Variants in MARCHF11 observed in about 807,000 individuals in gnomAD.
MARCHF11 encodes E3 ubiquitin-protein ligase MARCHF11.
MARCHF11 carries 29 observed loss-of-function variants against 37.3 expected under a neutral mutation model. The observed-to-expected ratio is 0.78, with a 90% CI of 0.58 to 1.06. The LOEUF is 1.06. Ranked by LOEUF, MARCHF11 falls within the 50% of genes least tolerant of loss-of-function variation. The pLI, the probability that MARCHF11 is intolerant of heterozygous loss-of-function variation, is 0.00. For synonymous variants in MARCHF11, 233 were observed against 228.0 expected, an observed-to-expected ratio of 1.02 and a Z score of -0.20; for missense variants, 482 against 533.4, an observed-to-expected ratio of 0.90 and a Z score of 0.95.
At chr5:16,175,458 G>GTGGACCCTGGGCCCTGGACCC (rs1421848646) in intron 2 of MARCHF11, among the ~76,000 whole-genome samples, 1 of 152,164 alleles carries the variant, frequency 6.6e-6, no homozygotes, top group African/African-American at 2.4e-5. Flanking sequence ...GGCTAAGACA[G>GTGGACCCTGGGCCCTGGACCC]TGGACCCTGG....
intron 2 of MARCHF11, among the ~76,000 whole-genome samples, chr5:16,138,051 T>G (rs1737636519): frequency 6.6e-6 from 1 of 152,188 alleles, no homozygotes; most frequent in Admixed American, 6.5e-5. Context: ...AACACCCATT[T>G]CTGAGGAGCA....
chr5:16,117,796 T>A (rs1737245893), intron 2 of MARCHF11, among the ~76,000 whole-genome samples: 1 of 152,230 alleles, frequency 6.6e-6, no homozygotes, highest in East Asian at 1.9e-4. Flanking sequence ...TATCCTATAG[T>A]AACTTAGTGT....
intron 3 of MARCHF11, among the ~76,000 whole-genome samples, chr5:16,088,342 C>T (rs1736734247): frequency 6.6e-6 from 1 of 152,280 alleles, no homozygotes; most frequent in Non-Finnish European, 1.5e-5. Flanking sequence ...AAGTGGGTGA[C>T]TCTTATTTTT....
chr5:16,138,044 ACCC>A (rs1737636386), intron 2 of MARCHF11, among the ~76,000 whole-genome samples: 1 of 152,146 alleles, frequency 6.6e-6, no homozygotes, highest in Admixed American at 6.6e-5. Flanking sequence ...GAAAAGAAAC[ACCC>A]ATTTCTGAGG....
At chr5:16,123,147 C>T (rs940916725) in intron 2 of MARCHF11, among the ~76,000 whole-genome samples, 16 of 152,168 alleles carry the variant, frequency 1.1e-4, no homozygotes, top group Admixed American at 2.0e-4. Context: ...ATGTTATGGG[C>T]TGAACTGTGA....
chr5:16,171,065 T>C (rs1229425524), intron 2 of MARCHF11, among the ~76,000 whole-genome samples: 1 of 152,192 alleles, frequency 6.6e-6, no homozygotes, highest in Non-Finnish European at 1.5e-5. Flanking sequence ...ATGGTTTTAA[T>C]ATTTAATACG....
intron 2 of MARCHF11, among the ~76,000 whole-genome samples, chr5:16,119,129 G>A (rs923809152): frequency 5.3e-5 from 8 of 152,182 alleles, no homozygotes; most frequent in African/African-American, 1.2e-4. Context: ...TTGGGAGGCC[G>A]AGGTGGGTGG....
intron 3 of MARCHF11, 110 bp downstream of exon 3, chr5:16,090,779 T>A (rs1736778062): frequency 1.2e-6 from 1 of 823,800 alleles, no homozygotes; most frequent in African/African-American, 1.8e-5. Flanking sequence ...ACAGGAGAAC[T>A]GAGATAAGTC....
At chr5:16,099,630 A>G (rs1736924046) in intron 2 of MARCHF11, among the ~76,000 whole-genome samples, 1 of 152,206 alleles carries the variant, frequency 6.6e-6, no homozygotes, top group African/African-American at 2.4e-5. Flanking sequence ...TTTTTAAAAG[A>G]GACCACTCAT....
At chr5:16,133,464 G>A (rs868310896) in intron 2 of MARCHF11, among the ~76,000 whole-genome samples, 1 of 152,150 alleles carries the variant, frequency 6.6e-6, no homozygotes, top group Middle Eastern at 3.2e-3. Context: ...ACAGAGGCAT[G>A]AGAGAATCCA....
At chr5:16,131,735 C>T (rs1214359892) in intron 2 of MARCHF11, among the ~76,000 whole-genome samples, 1 of 152,196 alleles carries the variant, frequency 6.6e-6, no homozygotes, top group African/African-American at 2.4e-5. Context: ...ATTCTGGGAA[C>T]ATTGCCATTT....
At chr5:16,134,977 T>TTCTCTCTCTC (rs146251875) in intron 2 of MARCHF11, among the ~76,000 whole-genome samples, 1 of 143,034 alleles carries the variant, frequency 7.0e-6, no homozygotes, top group Non-Finnish European at 1.5e-5. Context: ...TATGAGTGAT[T>TTCTCTCTCTC]TCTCTCTCTC....
intron 2 of MARCHF11, among the ~76,000 whole-genome samples, chr5:16,158,227 A>G (rs1040290550): frequency 2.0e-5 from 3 of 151,918 alleles, no homozygotes; most frequent in Non-Finnish European, 4.4e-5. Context: ...TGTTAGTGGG[A>G]GTGTAAATTA....
intron 2 of MARCHF11, among the ~76,000 whole-genome samples, chr5:16,132,211 C>G (rs1261092886): frequency 1.3e-5 from 2 of 152,266 alleles, no homozygotes; most frequent in African/African-American, 4.8e-5. Flanking sequence ...GTTTAAATGG[C>G]CTAAGAGCAA....
At chr5:16,085,313 G>C (rs1038931017) in intron 3 of MARCHF11, among the ~76,000 whole-genome samples, 3 of 152,082 alleles carry the variant, frequency 2.0e-5, no homozygotes, top group Non-Finnish European at 4.4e-5. Flanking sequence ...TTACAGATTA[G>C]AGCTCGTCTA....
chr5:16,143,209 T>C (rs1413788052), intron 2 of MARCHF11, among the ~76,000 whole-genome samples: 3 of 152,186 alleles, frequency 2.0e-5, no homozygotes, highest in Non-Finnish European at 4.4e-5. Context: ...GCTCTGTCTC[T>C]AGTTCTGACT....
At chr5:16,090,753 C>T (rs567989274) in intron 3 of MARCHF11, 136 bp downstream of exon 3, 15 of 614,614 alleles carry the variant, frequency 2.4e-5, no homozygotes, top group Admixed American at 1.6e-4. Context: ...AATTGTGACC[C>T]GCAGCTAATT....
At chr5:16,123,174 A>G (rs536359952) in intron 2 of MARCHF11, among the ~76,000 whole-genome samples, 144 of 152,276 alleles carry the variant, frequency 9.5e-4, no homozygotes, top group African/African-American at 3.3e-3. Context: ...AGATACTTAC[A>G]TGTTGAAATC....
chr5:16,140,691 AT>A (rs1737688268), intron 2 of MARCHF11, among the ~76,000 whole-genome samples: 1 of 152,242 alleles, frequency 6.6e-6, no homozygotes, highest in African/African-American at 2.4e-5. Context: ...CGTTCTCAAC[AT>A]AAAAAATCTT....
Sources: gnomAD v4.1 joint callset for allele counts (sites outside exome capture counted in the v4.1 genomes callset) on GRCh38, gnomAD v4.1.1 for gene constraint, MANE v1.5 for transcripts, NCBI Gene and HGNC (gene_info 2026-07-23, HGNC 2026-07-21) for gene names.